The following FOCAD variants were observed in gnomAD, a reference collection of about 807,000 sequenced individuals.
The protein encoded by FOCAD is focadhesin, also known as KIAA1797.
Under a neutral mutation model 225.6 loss-of-function variants are expected in FOCAD, and 198 were observed. That is an observed-to-expected ratio of 0.88 (90% CI 0.78 to 0.99). The LOEUF (loss-of-function observed/expected upper bound fraction) is 0.99, where lower values mean the gene tolerates loss of function less well. FOCAD is among the 50% of genes least tolerant of loss of function. The pLI, the probability that FOCAD is intolerant of heterozygous loss-of-function variation, is 0.00. For missense variants in FOCAD, 2,713 were observed against 2,123.6 expected (o/e 1.28, Z -5.46); for synonymous variants, 897 against 755.0 (o/e 1.19, Z -3.08).
At chr9:20,771,974 T>C (rs1304261969) in intron 8 of FOCAD, among the ~76,000 whole-genome samples, 1 of 152,162 alleles carries the variant, frequency 6.6e-6, no homozygotes, top group African/African-American at 2.4e-5. Flanking sequence ...TTAACCTTAA[T>C]GACTTCCTTA....
chr9:20,939,706 T>A (rs1183978232), intron 28 of FOCAD, among the ~76,000 whole-genome samples: 2 of 151,346 alleles, frequency 1.3e-5, no homozygotes, highest in African/African-American at 4.8e-5. Flanking sequence ...ATTTTATTTT[T>A]TTTTGTTTTT....
chr9:20,758,569 T>C (rs909815986), intron 6 of FOCAD, among the ~76,000 whole-genome samples: 2 of 135,856 alleles, frequency 1.5e-5, no homozygotes, highest in Non-Finnish European at 3.1e-5. Context: ...CCTGTGTCCA[T>C]GTGTTCTCAT....
In FOCAD at chr9:20,888,537, A is replaced by G. The variant is rs889387434; in HGVS notation, c.2625+3307A>G. Among the ~76,000 whole-genome samples the G allele has an allele frequency of 2.0e-5, 3 of 152,082 alleles. No homozygotes were observed. The East Asian group carries it at 5.8e-4, about 29-fold the overall frequency. ...TGGTTCTTGCTTTTTGTTTAATCCGAGATTACAAAAATTTTTCATTTTCTT... is the reference window on the plus strand; with the variant it reads ...TGGTTCTTGCTTTTTGTTTAATCCGGGATTACAAAAATTTTTCATTTTCTT... On this transcript the variant is annotated intron_variant, in intron 21 of 43. Transcript: ENST00000338382.
chr9:20,926,289 A>C lies in FOCAD; in HGVS notation c.2962-12A>C, dbSNP rs373058579. 4.9e-6 allele frequency: 7 copies of C among 1,431,158 alleles called. No individual in the cohort carries two copies. Among genetic ancestry groups the C allele is most frequent in the Non-Finnish European group, 6.9e-6 (7 of 1,015,228 alleles). 88.7% of individuals were successfully genotyped at this position (1,431,158 alleles called of 1,614,324 possible). Reference sequence around the variant, plus strand: ...TCTCTGTAATCATTTCATGTTTTTAATTCATCTGCAGGTTCAACCTAATTT... The same window carrying C: ...TCTCTGTAATCATTTCATGTTTTTACTTCATCTGCAGGTTCAACCTAATTT... On this transcript the variant is annotated splice_polypyrimidine_tract_variant and intron_variant, in intron 25 of 43. Coordinates refer to ENST00000338382, the MANE Select transcript of FOCAD (RefSeq NM_001375567.1).
Position 20,820,999 on chromosome 9 carries a change from C to T in FOCAD, c.1721C>T (p.Ser574Leu), listed in dbSNP as rs757340789. ...GCTGTGTCTGATGTACCTTCTCTTT[C>T]GGTGGGCAAGGAAGTCCAATGGGAG... Reference protein sequence around the residue: ...FMAVSDVPSLSVGKEVQWEKL... With the variant: ...FMAVSDVPSLLVGKEVQWEKL... The change falls in exon 14 of 44, where the codon TCG becomes TTG. Residue 574 changes from serine to leucine, a missense_variant. By Grantham distance (145) the Ser-to-Leu change is moderately radical (BLOSUM62 -2). Coordinates refer to ENST00000338382, the MANE Select transcript of FOCAD (RefSeq NM_001375567.1). 1.1e-5 allele frequency: 17 copies of T among 1,612,562 alleles called. No individual in the cohort carries two copies. Among genetic ancestry groups the T allele is most frequent in the Admixed American group, 5.0e-5 (3 of 59,868 alleles).
intron 35 of FOCAD, among the ~76,000 whole-genome samples, chr9:20,970,653 T>TC (rs1839687294): frequency 6.6e-6 from 1 of 152,178 alleles, no homozygotes; most frequent in Admixed American, 6.5e-5. Flanking sequence ...AGAGTTGCTT[T>TC]CAAGTCTTTG....
rs140156076 is a variant in FOCAD at position 20,960,515 on chromosome 9, T to C, written c.4132+7450T>C. Among the ~76,000 whole-genome samples, 501 of 152,354 alleles carry C rather than the reference T, an allele frequency of 3.3e-3. 8 individuals are homozygous for C. Among genetic ancestry groups the C allele is most frequent in the African/African-American group, 0.012 (485 of 41,574 alleles). ...TTCACCGATTAGTTTTAGCATTCAC[T>C]AATACTTCTTGCCTGAATTATTACT... On this transcript the variant is annotated intron_variant, in intron 35 of 43. Transcript: ENST00000338382.
chr9:20,706,586 GAAAC>G lies in FOCAD; in HGVS notation c.-32-8735_-32-8732del, dbSNP rs1186973838. Among the ~76,000 whole-genome samples the G allele has an allele frequency of 4.6e-5, 7 of 152,298 alleles. No individual in the cohort carries two copies. In the East Asian group the frequency reaches 1.3e-3, roughly 29 times the overall value. On this transcript the variant is annotated intron_variant, in intron 1 of 43. Coordinates refer to ENST00000338382, the MANE Select transcript of FOCAD (RefSeq NM_001375567.1). The stretch of plus-strand genomic sequence containing the variant: ...GAAAGAACACTTGGTTGGAAGTCAA[GAAAC>G]CTCTGTTCTCACTTGAACTCTGTCA...
intron 11 of FOCAD, among the ~76,000 whole-genome samples, chr9:20,795,767 G>T (rs1216893288): frequency 1.0e-4 from 10 of 100,044 alleles, no homozygotes; most frequent in Non-Finnish European, 1.5e-4. Flanking sequence ...CTGGGGGACA[G>T]AGCAAGACTC....
chr9:20,755,769 G>A (rs1372928377), intron 5 of FOCAD, among the ~76,000 whole-genome samples: 2 of 152,122 alleles, frequency 1.3e-5, no homozygotes, highest in South Asian at 2.1e-4. Context: ...AATTGTAGGT[G>A]CTATTTCTGC....
chr9:20,769,149 T>C (rs926815435), intron 7 of FOCAD, among the ~76,000 whole-genome samples: 3 of 152,220 alleles, frequency 2.0e-5, no homozygotes, highest in Non-Finnish European at 4.4e-5. Flanking sequence ...TATAACAATG[T>C]TTTCTGCTAT....
chr9:20,708,841 G>T (rs759865675), intron 1 of FOCAD, among the ~76,000 whole-genome samples: 1 of 151,866 alleles, frequency 6.6e-6, no homozygotes, highest in African/African-American at 2.4e-5. Context: ...CCCTTGAGCC[G>T]TTCCTATATA....
rs765875646 is a variant in FOCAD, at chr9:20,976,495, ATCC to A, written c.4213_4215del (p.Pro1405del). Reference sequence around the variant, plus strand: ...GCAACTGTTGGAGAAAGCTACCAATATCCTCCTGTGAACTGGGCTGCACTTCTC... The same window carrying A: ...GCAACTGTTGGAGAAAGCTACCAATATCCTGTGAACTGGGCTGCACTTCTC... On this transcript the variant is annotated inframe_deletion, in exon 36 of 44. Coordinates refer to ENST00000338382, the MANE Select transcript of FOCAD (RefSeq NM_001375567.1). 1 of 1,613,380 alleles carries A rather than the reference ATCC, an allele frequency of 6.2e-7. No individual in the cohort carries two copies. Among genetic ancestry groups the A allele is most frequent in the South Asian group, 1.1e-5 (1 of 91,078 alleles).
intron 11 of FOCAD, among the ~76,000 whole-genome samples, chr9:20,814,336 ATTTTCTTTTCTT>A (rs1391446486): frequency 3.4e-5 from 5 of 145,932 alleles, no homozygotes; most frequent in Non-Finnish European, 6.0e-5. Context: ...TTCATCACTC[ATTTTCTTTTCTT>A]TTTTCTTTTT....
At chr9:20,712,416 T>C (rs1252625888) in intron 1 of FOCAD, among the ~76,000 whole-genome samples, 1 of 152,108 alleles carries the variant, frequency 6.6e-6, no homozygotes, top group African/African-American at 2.4e-5. Flanking sequence ...TCCTAGCACT[T>C]TGGGAGGCCG....
intron 34 of FOCAD, among the ~76,000 whole-genome samples, chr9:20,951,984 G>A (rs185622759): frequency 3.9e-5 from 6 of 152,244 alleles, no homozygotes; most frequent in East Asian, 1.9e-4. Flanking sequence ...CAGTCATTCT[G>A]TAGCTATGGA....
At chr9:20,711,785 G>A (rs1490404758) in intron 1 of FOCAD, among the ~76,000 whole-genome samples, 1 of 152,196 alleles carries the variant, frequency 6.6e-6, no homozygotes, top group Non-Finnish European at 1.5e-5. Flanking sequence ...GAAGCGTTTG[G>A]AGATCTGTGC....
chr9:20,933,937 T>A (rs1587654069), intron 28 of FOCAD, among the ~76,000 whole-genome samples: 1 of 152,302 alleles, frequency 6.6e-6, no homozygotes, highest in East Asian at 1.9e-4. Context: ...GTGGTTTTGA[T>A]TTGCATTTCT....
At chr9:20,798,777 G>C (rs1821434985) in intron 11 of FOCAD, among the ~76,000 whole-genome samples, 2 of 151,854 alleles carry the variant, frequency 1.3e-5, no homozygotes, top group South Asian at 2.1e-4. Flanking sequence ...TATCAGTTTT[G>C]TTGATCTTTT....
Sources: gnomAD v4.1 joint callset for allele counts (sites outside exome capture counted in the v4.1 genomes callset) on GRCh38, gnomAD v4.1.1 for gene constraint, MANE v1.5 for transcripts, NCBI Gene and HGNC (gene_info 2026-07-23, HGNC 2026-07-21) for gene names.